The following PUF60 variants were observed in gnomAD, a reference collection of about 807,000 sequenced individuals.
PUF60 encodes poly(U) binding splicing factor 60, also known as poly(U)-binding-splicing factor PUF60.
A neutral mutation model predicts 61.8 loss-of-function variants in PUF60; 10 were observed. The observed-to-expected ratio is 0.16, with a 90% CI of 0.10 to 0.27. The LOEUF is 0.27. Among genes scored for constraint, PUF60 ranks in the 10% least tolerant of loss-of-function variants. The pLI, the probability that PUF60 is intolerant of heterozygous loss-of-function variation, is 1.00. For synonymous variants in PUF60, 353 were observed against 300.9 expected (o/e 1.17, Z -1.79); for missense variants, 371 against 754.0 (o/e 0.49, Z 5.95).
At chr8:143,821,259 A>G (rs1816983047) in intron 4 of PUF60, 2 of 499,556 alleles carry the variant, frequency 4.0e-6, no homozygotes, top group South Asian at 4.5e-5. Flanking sequence ...CACGCCCTGC[A>G]TGCTGCCACC....
intron 2 of PUF60, 51 bp from the exon 3 acceptor site, chr8:143,821,964 A>T: frequency 6.9e-7 from 1 of 1,445,754 alleles, no homozygotes; most frequent in Non-Finnish European, 9.3e-7. Flanking sequence ...GTTCTCCTTC[A>T]CGTGGCCCCA....
In PUF60 at chr8:143,816,455, A is replaced by G; in HGVS notation, c.*65T>C. ...GAGCGCGCCTGGCCCCGGGGACACC[A>G]CTGTATCACTATAAAACCCAGAGGA... is the stretch of plus-strand genomic sequence containing the variant. On this transcript the variant is annotated 3_prime_UTR_variant, in exon 12 of 12. Coordinates refer to ENST00000526683, the MANE Select transcript of PUF60 (RefSeq NM_078480.3). The G allele has an allele frequency of 6.5e-7, 1 of 1,538,856 alleles. No individual in the cohort carries two copies. Among genetic ancestry groups the G allele is most frequent in the Non-Finnish European group, 8.8e-7 (1 of 1,142,210 alleles).
intron 1 of PUF60, 193 bp from the exon 2 acceptor site, chr8:143,824,592 G>A (rs1381654105): frequency 1.2e-5 from 7 of 604,728 alleles, no homozygotes; most frequent in Non-Finnish European, 2.1e-5. Flanking sequence ...GACCCAGTCA[G>A]AAGCAGAGCG....
Position 143,817,252 on chromosome 8 carries a change from A to G in PUF60, c.1144+79T>C. Reference sequence around the variant, plus strand: ...CTCAGAGGGTTGTGCCCAGACCACCAGGGCCAGGCAGCTGAGGGCAGCGAG... The same window carrying G: ...CTCAGAGGGTTGTGCCCAGACCACCGGGGCCAGGCAGCTGAGGGCAGCGAG... On this transcript the variant is annotated intron_variant, in intron 10 of 11. Transcript: ENST00000526683. This position sits in a 1 kb window ranked among gnomAD's most constrained non-coding sequence, Gnocchi z 7.4. 6.5e-7 allele frequency: 1 copy of G among 1,530,680 alleles called. No individual in the cohort carries two copies. Among genetic ancestry groups the G allele is most frequent in the Admixed American group, 2.2e-5 (1 of 45,954 alleles). 94.8% of individuals were successfully genotyped at this position (1,530,680 alleles called of 1,614,324 possible).
In PUF60 at chr8:143,818,315, C is replaced by T. The variant is rs763180480; in HGVS notation, c.511-30G>A. On this transcript the variant is annotated intron_variant, in intron 6 of 11. Coordinates refer to ENST00000526683, the MANE Select transcript of PUF60 (RefSeq NM_078480.3). The surrounding 1 kb of genome is among the most constrained non-coding windows in gnomAD (Gnocchi z 7.9). ...ACACAGGGACACACCTGTCAGGCTG[C>T]GCGAGCCCAGGGGTGGGGGCGAGCC... 4.3e-5 allele frequency: 69 copies of T among 1,606,440 alleles called. No individual in the cohort carries two copies. Among genetic ancestry groups the T allele is most frequent in the East Asian group, 8.9e-5 (4 of 44,718 alleles).
At chr8:143,820,844 A>T (rs1816923216) in intron 4 of PUF60, 128 bp from the exon 5 acceptor site, 1 of 895,154 alleles carries the variant, frequency 1.1e-6, no homozygotes, top group Non-Finnish European at 1.8e-6. Flanking sequence ...CTGCCTTCCC[A>T]CACTGCCGGC....
intron 2 of PUF60, chr8:143,823,206 CTAGG>C (rs1817226395): frequency 1.2e-5 from 2 of 160,678 alleles, no homozygotes; most frequent in African/African-American, 4.8e-5. Context: ...CCGGCTCACA[CTAGG>C]CCTGTCTTCA....
chr8:143,821,061 C>T (rs1816956791), intron 4 of PUF60, among the ~76,000 whole-genome samples: 1 of 152,312 alleles, frequency 6.6e-6, no homozygotes, highest in South Asian at 2.1e-4. Context: ...GCCCAGGAAC[C>T]TGTCGGCCTC....
At position 143,816,984 on chromosome 8, in the gene PUF60, C is replaced by G. The variant is rs1816388481; in HGVS notation, c.1306G>C (p.Glu436Gln). The G allele has an allele frequency of 6.2e-7, 1 of 1,604,828 alleles. No homozygotes were observed. Among genetic ancestry groups the G allele is most frequent in the Non-Finnish European group, 8.5e-7 (1 of 1,176,010 alleles). Residue 436 changes from glutamate to glutamine, a missense_variant, in exon 11 of 12, where the codon GAG (glutamate) becomes CAG (glutamine). Glu to Gln is a conservative substitution (Grantham distance 29, BLOSUM62 2). Around this residue, in one of 13 missense-constraint regions of PUF60, gnomAD observed 68 missense variants for 69.4 expected, o/e 0.98. Transcript: ENST00000526683. Reference protein sequence around the residue: ...PESERPEMLSEQEHMSISGSS... With the variant: ...PESERPEMLSQQEHMSISGSS... Reference sequence around the variant, plus strand: ...CCCGAGATGCTCATGTGCTCCTGCTCGCTCAGCATCTCTGGCCGCTCTGAC... The same window carrying G: ...CCCGAGATGCTCATGTGCTCCTGCTGGCTCAGCATCTCTGGCCGCTCTGAC...
At position 143,829,159 on chromosome 8, in the gene PUF60, G is replaced by A. The variant is rs1818014264; in HGVS notation, c.24+121C>T. ...CCTCACGCGACCCGGGGACACGAGG[G>A]AGTCCGCGCGGGACCTGGGAAGACC... is the stretch of plus-strand genomic sequence containing the variant. On this transcript the variant is annotated intron_variant, in intron 1 of 11. Transcript: ENST00000526683. 8.2e-6 allele frequency: 10 copies of A among 1,218,630 alleles called. No individual in the cohort carries two copies. The South Asian group carries it at 1.2e-4, about 15-fold the overall frequency. The allele number at this position is 1,218,630 out of a possible 1,614,324, so 75.5% of individuals were successfully genotyped here.
rs377105775 is a variant in PUF60 at position 143,818,031 on chromosome 8, G to A, written c.648C>T (p.Asp216=). ...SNIGQAQPII[D]QLAEEARAFN... ...AGGCCCGTGCCTCCTCAGCCAACTG[G>A]TCTATGATGGGCTGGGCCTGCCCTA... The change falls in exon 8 of 12, where the codon GAC becomes GAT. Residue 216 remains aspartate (D), a synonymous_variant. Transcript: ENST00000526683. This position sits in a 1 kb window ranked among gnomAD's most constrained non-coding sequence, Gnocchi z 7.9. 620 of 1,612,696 alleles carry A rather than the reference G, an allele frequency of 3.8e-4. 4 individuals carry two copies. The highest frequency in any genetic ancestry group is 1.1e-4 in the Non-Finnish European group (128 of 1,179,848).
At position 143,817,556 on chromosome 8, in the gene PUF60, G is replaced by A. The variant is rs747269946; in HGVS notation, c.1008+36C>T. On this transcript the variant is annotated intron_variant, in intron 9 of 11. Transcript: ENST00000526683. This position sits in a 1 kb window ranked among gnomAD's most constrained non-coding sequence, Gnocchi z 7.4. ...TCTCCAAGGAATCAGGGGCCAGCCC[G>A]CCCACCCTCAAGCCGACAGCTGTGT... The A allele has an allele frequency of 7.5e-6, 12 of 1,608,282 alleles. No individual in the cohort carries two copies. Among genetic ancestry groups the A allele is most frequent in the Admixed American group, 3.4e-5 (2 of 59,338 alleles).
chr8:143,821,290 G>A (rs1816987507), intron 4 of PUF60: 1 of 543,508 alleles, frequency 1.8e-6, no homozygotes, highest in Non-Finnish European at 3.3e-6. Flanking sequence ...CACAGCTGGG[G>A]CAGGGAGCAC....
In PUF60 at chr8:143,818,636, G is replaced by A. The variant is rs1204901030; in HGVS notation, c.349-102C>T. 1 of 1,299,928 alleles carries A rather than the reference G, an allele frequency of 7.7e-7. No homozygotes were observed. Among genetic ancestry groups the A allele is most frequent in the Non-Finnish European group, 1.0e-6 (1 of 964,160 alleles). The allele number at this position is 1,299,928 out of a possible 1,614,324, so 80.5% of individuals were successfully genotyped here. A position where few individuals can be genotyped will look rare whatever the true frequency, so the allele number is the denominator to read the frequency against. On this transcript the variant is annotated intron_variant, in intron 5 of 11. Coordinates refer to ENST00000526683, the MANE Select transcript of PUF60 (RefSeq NM_078480.3). The surrounding 1 kb of genome is among the most constrained non-coding windows in gnomAD (Gnocchi z 7.9). The stretch of plus-strand genomic sequence containing the variant: ...GCCCACCCACCCAGCCCTGCTGTGG[G>A]GAGGGCTCCCCACATGACAGGGAGG...
At chr8:143,824,123 T>C (rs971628343) in intron 2 of PUF60, among the ~76,000 whole-genome samples, 190 bp downstream of exon 2, 3 of 152,046 alleles carry the variant, frequency 2.0e-5, no homozygotes, top group African/African-American at 7.2e-5. Context: ...GTGGGGAGGG[T>C]GCAGGGCTGG....
At chr8:143,826,551 C>G (rs11782759) in intron 1 of PUF60, among the ~76,000 whole-genome samples, 61,320 of 151,884 alleles carry the variant, frequency 0.4, 15,801 homozygotes, top group Non-Finnish European at 0.58. Flanking sequence ...CCCATCTCTA[C>G]TAAAAATACA....
At chr8:143,828,560 C>A (rs1237599432) in intron 1 of PUF60, among the ~76,000 whole-genome samples, 1 of 152,194 alleles carries the variant, frequency 6.6e-6, no homozygotes, top group African/African-American at 2.4e-5. Context: ...TGGATGCCCA[C>A]GCAGCTCCCT....
Position 143,817,975 on chromosome 8 carries a change from T to A in PUF60, c.704A>T (p.Gln235Leu). ...FNRIYVASVH[Q>L]DLSDDDIKSV... is the part of the protein sequence containing the mutation. ...CTTGATGTCATCGTCTGAGAGGTCC[T>A]GGTGCACAGAGGCCACGTAGATGCG... is the stretch of plus-strand genomic sequence containing the variant. Residue 235 changes from glutamine (Q) to leucine (L), a missense_variant, in exon 8 of 12, where the codon CAG becomes CTG. Gln to Leu is a moderately radical substitution (Grantham distance 113). Coordinates refer to ENST00000526683, the MANE Select transcript of PUF60 (RefSeq NM_078480.3). The surrounding 1 kb of genome is among the most constrained non-coding windows in gnomAD (Gnocchi z 7.4). 1 of 1,612,982 alleles carries A rather than the reference T, an allele frequency of 6.2e-7. No homozygotes were observed. The highest frequency in any genetic ancestry group is 8.5e-7 in the Non-Finnish European group (1 of 1,179,868).
rs1267426519 is a variant in PUF60 at position 143,818,600 on chromosome 8, C to T, written c.349-66G>A. ...GGGCGGCAGGAAGCTGGGCAGCCCA[C>T]TCCCCTCCTGGCCCACCCACCCAGC... On this transcript the variant is annotated intron_variant, in intron 5 of 11. Coordinates refer to ENST00000526683, the MANE Select transcript of PUF60 (RefSeq NM_078480.3). This position sits in a 1 kb window ranked among gnomAD's most constrained non-coding sequence, Gnocchi z 7.9. 2.7e-6 allele frequency: 4 copies of T among 1,477,558 alleles called. No individual in the cohort carries two copies. The African/African-American group carries it at 4.2e-5, about 15-fold the overall frequency. 91.5% of individuals were successfully genotyped at this position (1,477,558 alleles called of 1,614,324 possible). A position where few individuals can be genotyped will look rare whatever the true frequency, so the allele number is the denominator to read the frequency against.
Sources: allele counts gnomAD v4.1 joint callset (sites outside exome capture counted in the v4.1 genomes callset), GRCh38; gene constraint gnomAD v4.1.1; regional missense constraint gnomAD v4.1.1; non-coding constraint Gnocchi (gnomAD v3.1); transcripts MANE v1.5; gene names NCBI Gene and HGNC (gene_info 2026-07-23, HGNC 2026-07-21).